The following CCSER1 variants were observed in gnomAD, a reference collection of about 807,000 sequenced individuals.
CCSER1 encodes the protein serine-rich coiled-coil domain-containing protein 1.
Under a neutral mutation model 82.0 loss-of-function variants are expected in CCSER1, and 41 were observed. That is an observed-to-expected ratio of 0.50 (90% CI 0.39 to 0.65). The LOEUF is 0.65. CCSER1 is among the 30% of genes least tolerant of loss of function. The pLI is 0.00. For synonymous variants in CCSER1, 414 were observed against 383.9 expected, an observed-to-expected ratio of 1.08 and a Z score of -0.92; for missense variants, 1,119 against 1,064.2, an observed-to-expected ratio of 1.05 and a Z score of -0.72.
intron 10 of CCSER1, among the ~76,000 whole-genome samples, chr4:91,459,469 A>G (rs1029273856): frequency 6.6e-6 from 1 of 152,164 alleles, no homozygotes; most frequent in African/African-American, 2.4e-5. Context: ...AAGTAATTTC[A>G]GGTATGTGAA....
chr4:90,982,677 T>C (rs1561444159), intron 9 of CCSER1, among the ~76,000 whole-genome samples: 1 of 151,718 alleles, frequency 6.6e-6, no homozygotes, highest in Admixed American at 6.6e-5. Context: ...CACACACTAA[T>C]ATCAAAGTGC....
chr4:90,620,623 T>C (rs1722133364), intron 5 of CCSER1, among the ~76,000 whole-genome samples: 1 of 152,300 alleles, frequency 6.6e-6, no homozygotes. Flanking sequence ...TCTTTCTTAC[T>C]GGAATATATC....
At chr4:91,207,588 C>A (rs545598296) in intron 10 of CCSER1, among the ~76,000 whole-genome samples, 5 of 151,960 alleles carry the variant, frequency 3.3e-5, no homozygotes, top group African/African-American at 9.6e-5. Context: ...TCAGAGTATT[C>A]CATGGTGTAT....
chr4:90,255,240 A>G (rs571306499), intron 1 of CCSER1, among the ~76,000 whole-genome samples: 1 of 152,332 alleles, frequency 6.6e-6, no homozygotes, highest in South Asian at 2.1e-4. Context: ...AAAATTACAT[A>G]GAACTATTTG....
chr4:90,333,811 G>T (rs966182782), intron 3 of CCSER1, among the ~76,000 whole-genome samples: 4 of 152,192 alleles, frequency 2.6e-5, no homozygotes, highest in Admixed American at 2.6e-4. Context: ...TTTGATAGAA[G>T]AATGCTAGAG....
Position 91,555,874 on chromosome 4 carries a change from C to A in CCSER1, c.2218-42698C>A, listed in dbSNP as rs563911638. Reference sequence around the variant, plus strand: ...CAAACTCATTAATCCTTACAGCATCCCCAGGGGTGTGTAATTGTACAGGTA... The same window carrying A: ...CAAACTCATTAATCCTTACAGCATCACCAGGGGTGTGTAATTGTACAGGTA... On this transcript the variant is annotated intron_variant, in intron 10 of 10. Transcript: ENST00000509176. 1.3e-4 allele frequency among the ~76,000 whole-genome samples: 20 copies of A among 151,112 alleles called. No homozygotes were observed. In the East Asian group the frequency reaches 2.9e-3, roughly 22 times the overall value.
chr4:91,401,524 A>T (rs776083068), intron 10 of CCSER1, among the ~76,000 whole-genome samples: 2 of 151,904 alleles, frequency 1.3e-5, no homozygotes, highest in Non-Finnish European at 2.9e-5. Context: ...AATTAGGTAT[A>T]TCTCCTAATT....
At chr4:91,168,286 C>A (rs1348112194) in intron 10 of CCSER1, among the ~76,000 whole-genome samples, 1 of 142,128 alleles carries the variant, frequency 7.0e-6, no homozygotes, top group South Asian at 2.3e-4. Context: ...CGCCTCTGCC[C>A]GGCCGCCCCT....
chr4:90,209,762 G>T (rs1181322020), intron 1 of CCSER1, among the ~76,000 whole-genome samples: 3 of 147,222 alleles, frequency 2.0e-5, no homozygotes, highest in South Asian at 4.3e-4. Flanking sequence ...GTGTCTGTTT[G>T]TCTAGTGTTT....
At chr4:91,445,719 C>T (rs761792479) in intron 10 of CCSER1, among the ~76,000 whole-genome samples, 3 of 151,934 alleles carry the variant, frequency 2.0e-5, no homozygotes, top group African/African-American at 4.8e-5. Flanking sequence ...AACTATCCAC[C>T]ATCCATTTAA....
At chr4:91,182,294 A>G (rs1188023102) in intron 10 of CCSER1, among the ~76,000 whole-genome samples, 4 of 152,196 alleles carry the variant, frequency 2.6e-5, no homozygotes, top group Non-Finnish European at 5.9e-5. Context: ...ATACAAGCAT[A>G]ATCTCTACCC....
At chr4:91,263,569 A>T (rs1035238309) in intron 10 of CCSER1, among the ~76,000 whole-genome samples, 6 of 151,974 alleles carry the variant, frequency 3.9e-5, no homozygotes, top group African/African-American at 1.4e-4. Context: ...CATCTCTGAC[A>T]GAGTCCTTTA....
intron 9 of CCSER1, among the ~76,000 whole-genome samples, chr4:90,950,524 G>A (rs764801057): frequency 3.3e-5 from 5 of 149,746 alleles, no homozygotes; most frequent in African/African-American, 1.2e-4. Flanking sequence ...ACGTGCACGC[G>A]TGCACACACA....
At position 90,687,649 on chromosome 4, in the gene CCSER1, G is replaced by A. The variant is rs549139448; in HGVS notation, c.1933-36265G>A. Among the ~76,000 whole-genome samples, 18 of 152,150 alleles carry A rather than the reference G, an allele frequency of 1.2e-4. No individual in the cohort carries two copies. In the East Asian group the frequency reaches 1.7e-3, roughly 15 times the overall value. On this transcript the variant is annotated intron_variant, in intron 6 of 10. Transcript: ENST00000509176. ...AATAGAAACATTCCTGGAGCCCTTC[G>A]TCTCTGCCAGAGTGGAGAGTGGCCC...
chr4:91,381,551 G>C (rs1007636719), intron 10 of CCSER1, among the ~76,000 whole-genome samples: 4 of 152,134 alleles, frequency 2.6e-5, no homozygotes, highest in African/African-American at 9.7e-5. Context: ...ACTAAAGCTT[G>C]TGCATTCATC....
rs1437995226 is a variant in CCSER1, at chr4:91,496,758, TATATATTCA to T, written c.2218-101807_2218-101799del. 2.6e-3 allele frequency among the ~76,000 whole-genome samples: 220 copies of T among 84,566 alleles called. 50 individuals are homozygous for T. Among genetic ancestry groups the T allele is most frequent in the Non-Finnish European group, 3.5e-3 (147 of 41,776 alleles). The allele number at this position is 84,566 out of a possible 152,430, so 55.5% of individuals were successfully genotyped here. On this transcript the variant is annotated intron_variant, in intron 10 of 10. Coordinates refer to ENST00000509176, the MANE Select transcript of CCSER1 (RefSeq NM_001145065.2). ...TATATTGAATATATATTTGAATATA[TATATATTCA>T]ATATATATTGAATATATATTGAATA... is the stretch of plus-strand genomic sequence containing the variant.
chr4:90,427,047 C>G (rs1326836586), intron 4 of CCSER1, among the ~76,000 whole-genome samples: 2 of 151,956 alleles, frequency 1.3e-5, no homozygotes, highest in African/African-American at 4.8e-5. Context: ...AAATACTTAT[C>G]AAAGACAGCT....
At chr4:90,161,795 C>T (rs976673232) in intron 1 of CCSER1, among the ~76,000 whole-genome samples, 3 of 151,990 alleles carry the variant, frequency 2.0e-5, no homozygotes, top group Non-Finnish European at 4.4e-5. Flanking sequence ...TAAAAATTCT[C>T]ATATTTTTTT....
chr4:91,394,791 C>CT (rs1484524175), intron 10 of CCSER1, among the ~76,000 whole-genome samples: 1 of 151,606 alleles, frequency 6.6e-6, no homozygotes, highest in African/African-American at 2.4e-5. Flanking sequence ...AAAAAACCTT[C>CT]TAGATGTATT....
Sources: gnomAD v4.1 joint callset for allele counts (sites outside exome capture counted in the v4.1 genomes callset) on GRCh38, gnomAD v4.1.1 for gene constraint, MANE v1.5 for transcripts, NCBI Gene and HGNC (gene_info 2026-07-23, HGNC 2026-07-21) for gene names.